ARMH4: variants seen among roughly 807,000 people sequenced by gnomAD.
The protein encoded by ARMH4 is armadillo-like helical domain-containing protein 4.
In ARMH4, 49 loss-of-function variants were observed where a neutral mutation model predicts 61.9. That is an observed-to-expected ratio of 0.79 (90% CI 0.63 to 1.00). The LOEUF is 1.00. Among genes scored for constraint, ARMH4 ranks in the 50% least tolerant of loss-of-function variants. The pLI, the probability that ARMH4 is intolerant of heterozygous loss-of-function variation, is 0.00. For missense variants in ARMH4, 934 were observed against 930.0 expected (o/e 1.00, Z -0.06); for synonymous variants, 368 against 341.5 (o/e 1.08, Z -0.85).
intron 1 of ARMH4, among the ~76,000 whole-genome samples, chr14:58,144,995 C>T (rs1263556786): frequency 6.6e-6 from 1 of 152,202 alleles, no homozygotes; most frequent in Non-Finnish European, 1.5e-5. Flanking sequence ...GTCGAACAGT[C>T]ATAAAAGCTA....
intron 5 of ARMH4, among the ~76,000 whole-genome samples, chr14:58,073,737 C>T (rs970502122): frequency 2.0e-5 from 3 of 152,136 alleles, no homozygotes; most frequent in Admixed American, 6.5e-5. Context: ...AGAGAAGAGA[C>T]GTGAGAAATC....
chr14:58,092,571 T>C (rs535823663), intron 5 of ARMH4, among the ~76,000 whole-genome samples: 1 of 152,320 alleles, frequency 6.6e-6, no homozygotes, highest in South Asian at 2.1e-4. Context: ...AAAACCAAGT[T>C]ATTGGCAGGG....
intron 5 of ARMH4, among the ~76,000 whole-genome samples, chr14:58,032,739 G>A (rs538455871): frequency 3.9e-5 from 6 of 152,158 alleles, no homozygotes; most frequent in African/African-American, 7.2e-5. Flanking sequence ...GCCTCACCTG[G>A]GAAGCGCAAG....
In ARMH4 at chr14:58,139,140, A is replaced by C. The variant is rs1887439400; in HGVS notation, c.219T>G (p.Asp73Glu). Residue 73 changes from aspartate to glutamate, a missense_variant, in exon 2 of 8, where the codon GAT becomes GAG. Coordinates refer to ENST00000267485, the MANE Select transcript of ARMH4 (RefSeq NM_001001872.4). ...ATGGTACTGCTGACATCATCATTGGATCTTCAGAGACCACCAGTTGGGGAG... is the reference window on the plus strand; with the variant it reads ...ATGGTACTGCTGACATCATCATTGGCTCTTCAGAGACCACCAGTTGGGGAG... ...KQTPQLVVSE[D>E]PMMMSAVPSA... 6.8e-6 allele frequency: 11 copies of C among 1,614,202 alleles called. No individual in the cohort carries two copies. The East Asian group carries it at 2.0e-4, about 29-fold the overall frequency.
chr14:58,014,028 A>AAAAAG (rs57291965), intron 5 of ARMH4, among the ~76,000 whole-genome samples: 8 of 150,338 alleles, frequency 5.3e-5, no homozygotes, highest in South Asian at 4.3e-4. Context: ...CATCTCAAAA[A>AAAAAG]AAAGAAAGAA....
intron 4 of ARMH4, among the ~76,000 whole-genome samples, chr14:58,124,857 C>G (rs1456665608): frequency 1.3e-5 from 2 of 152,118 alleles, no homozygotes; most frequent in African/African-American, 2.4e-5. Flanking sequence ...GGAACTAGTG[C>G]TCAGTTGGCA....
rs1452187669 is a variant in ARMH4, at chr14:58,005,079, C to T, written c.2225G>A (p.Arg742Lys). 1 of 1,613,998 alleles carries T rather than the reference C, an allele frequency of 6.2e-7. No homozygotes were observed. The highest frequency in any genetic ancestry group is 1.7e-5 in the Admixed American group (1 of 60,010). The change falls in exon 7 of 8, where the codon AGG becomes AAG. Residue 742 changes from arginine (R) to lysine (K), a missense_variant. Physicochemically the swap from Arg to Lys is conservative, Grantham distance 26. Transcript: ENST00000267485. ...LYSIKVMNRR[R>K]RNGFKRHKRK... ...TTTATGCCTTTTGAAGCCATTTCTC[C>T]TTCGGCGATTCATAACCTTAATGCT...
intron 5 of ARMH4, among the ~76,000 whole-genome samples, chr14:58,044,890 T>A (rs1883875524): frequency 1.3e-5 from 2 of 152,040 alleles, no homozygotes; most frequent in Non-Finnish European, 2.9e-5. Flanking sequence ...ATCAGAGAAA[T>A]GCAAATCAAA....
chr14:58,006,202 T>C (rs1566535952), intron 6 of ARMH4, among the ~76,000 whole-genome samples: 3 of 152,188 alleles, frequency 2.0e-5, no homozygotes, highest in African/African-American at 7.2e-5. Flanking sequence ...TACTAACCTA[T>C]AGCCCTTTCA....
intron 1 of ARMH4, among the ~76,000 whole-genome samples, chr14:58,151,374 C>G (rs924382334): frequency 6.6e-6 from 1 of 152,150 alleles, no homozygotes; most frequent in African/African-American, 2.4e-5. Context: ...GGCAGCACCT[C>G]CCAACTATTC....
intron 5 of ARMH4, among the ~76,000 whole-genome samples, chr14:58,081,302 G>A (rs974475668): frequency 1.3e-5 from 2 of 152,016 alleles, no homozygotes; most frequent in African/African-American, 2.4e-5. Context: ...GAATCAGAAC[G>A]CACCTTGTAT....
Position 58,133,172 on chromosome 14 carries a change from C to T in ARMH4, c.1539G>A (p.Leu513=), listed in dbSNP as rs757012804. ...PVSDVPGVTQ[L]SRRWEPLATT... ...TGGCCAGAGGCTCCCATCTTCTTGA[C>T]AGCTGAGTAACACCAGGAACGTCAG... The change falls in exon 3 of 8, where the codon CTG becomes CTA. Residue 513 remains leucine (L), a synonymous_variant. Coordinates refer to ENST00000267485, the MANE Select transcript of ARMH4 (RefSeq NM_001001872.4). 6.8e-6 allele frequency: 11 copies of T among 1,614,014 alleles called. No homozygotes were observed. The Admixed American group carries it at 1.5e-4, about 22-fold the overall frequency.
intron 5 of ARMH4, among the ~76,000 whole-genome samples, chr14:58,026,207 G>T (rs1049146799): frequency 6.6e-6 from 1 of 152,048 alleles, no homozygotes; most frequent in Non-Finnish European, 1.5e-5. Context: ...AAATGAGGAA[G>T]AAAGTATCCC....
intron 5 of ARMH4, among the ~76,000 whole-genome samples, chr14:58,086,231 C>A (rs1885373650): frequency 1.3e-5 from 2 of 152,158 alleles, no homozygotes; most frequent in Admixed American, 1.3e-4. Flanking sequence ...CTTCTAAGGT[C>A]TGATCGTTTC....
chr14:58,057,503 G>A (rs1383707630), intron 5 of ARMH4, among the ~76,000 whole-genome samples: 2 of 152,112 alleles, frequency 1.3e-5, no homozygotes, highest in East Asian at 1.9e-4. Context: ...AAACCTAGGT[G>A]TTACTAGCTC....
chr14:58,026,966 T>G (rs997314444), intron 5 of ARMH4, among the ~76,000 whole-genome samples: 1 of 152,194 alleles, frequency 6.6e-6, no homozygotes, highest in African/African-American at 2.4e-5. Context: ...ACCTCCCTAG[T>G]GCCTTGACTT....
chr14:58,152,190 C>A lies in ARMH4; in HGVS notation c.-172G>T, dbSNP rs987466246. 1.3e-5 allele frequency: 2 copies of A among 158,778 alleles called. No homozygotes were observed. Among genetic ancestry groups the A allele is most frequent in the Non-Finnish European group, 2.7e-5 (2 of 73,082 alleles). The allele number at this position is 158,778 out of a possible 1,614,324, so 9.8% of individuals were successfully genotyped here. On this transcript the variant is annotated 5_prime_UTR_variant, in exon 1 of 8. Transcript: ENST00000267485. Reference sequence around the variant, plus strand: ...CGGCGGTAGCGGCGGCGACTCCCTCCGCTGTCTGGGACGCTAGGGGGAGGG... The same window carrying A: ...CGGCGGTAGCGGCGGCGACTCCCTCAGCTGTCTGGGACGCTAGGGGGAGGG...
chr14:58,096,196 C>A (rs563251119), intron 5 of ARMH4, among the ~76,000 whole-genome samples: 1 of 152,322 alleles, frequency 6.6e-6, no homozygotes, highest in African/African-American at 2.4e-5. Flanking sequence ...CAAGTCTGAA[C>A]AGAAAAATCA....
At chr14:58,092,646 T>G (rs772094685) in intron 5 of ARMH4, among the ~76,000 whole-genome samples, 1 of 152,160 alleles carries the variant, frequency 6.6e-6, no homozygotes, top group Non-Finnish European at 1.5e-5. Flanking sequence ...TTCTAGAGGC[T>G]GACAGCATTC....
Sources: allele counts gnomAD v4.1 joint callset (sites outside exome capture counted in the v4.1 genomes callset), GRCh38; gene constraint gnomAD v4.1.1; transcripts MANE v1.5; gene names NCBI Gene and HGNC (gene_info 2026-07-23, HGNC 2026-07-21).